JAKMIP2: variants seen among roughly 807,000 people sequenced by gnomAD.
JAKMIP2 encodes the protein janus kinase and microtubule-interacting protein 2.
JAKMIP2 carries 25 observed loss-of-function variants against 115.0 expected under a neutral mutation model. The ratio of observed to expected loss-of-function variants is 0.22; its 90% confidence interval spans 0.16 to 0.30. The LOEUF (loss-of-function observed/expected upper bound fraction) is 0.30. Ranked by LOEUF, JAKMIP2 falls within the 10% of genes least tolerant of loss-of-function variation. The pLI is 1.00. For missense variants in JAKMIP2, 642 were observed against 957.6 expected, an observed-to-expected ratio of 0.67 and a Z score of 4.35; for synonymous variants, 334 against 343.6, an observed-to-expected ratio of 0.97 and a Z score of 0.31.
intron 16 of JAKMIP2, 77 bp from the exon 17 acceptor site, chr5:147,623,766 T>C: frequency 1.2e-6 from 1 of 822,350 alleles, no homozygotes; most frequent in Non-Finnish European, 2.1e-6. Flanking sequence ...CATGAGGTGC[T>C]CCGTCTCCTC....
chr5:147,776,860 G>A (rs1396231207), intron 1 of JAKMIP2, among the ~76,000 whole-genome samples: 1 of 152,080 alleles, frequency 6.6e-6, no homozygotes, highest in Admixed American at 6.6e-5. Context: ...TCCAGCAGGG[G>A]GAGGTTGCAG....
Position 147,613,873 on chromosome 5 carries a change from T to C in JAKMIP2, c.2347-1502A>G, listed in dbSNP as rs546374495. 9.2e-5 allele frequency among the ~76,000 whole-genome samples: 14 copies of C among 152,312 alleles called. 1 individual carries two copies. The highest frequency in any genetic ancestry group is 3.4e-4 in the African/African-American group (14 of 41,556). On this transcript the variant is annotated intron_variant, in intron 19 of 21. Transcript: ENST00000616793. ...GAGACCATAAAGGTTAACCTTGAAA[T>C]TATACCATAATGAATGCCGGAGAAA...
intron 21 of JAKMIP2, among the ~76,000 whole-genome samples, chr5:147,598,025 G>T (rs1256558879): frequency 1.3e-5 from 2 of 150,782 alleles, no homozygotes; most frequent in Non-Finnish European, 2.9e-5. Flanking sequence ...TTGAGATGGG[G>T]TCTCATTTTG....
chr5:147,655,758 C>G (rs573111101), intron 3 of JAKMIP2, among the ~76,000 whole-genome samples: 1 of 152,168 alleles, frequency 6.6e-6, no homozygotes, highest in African/African-American at 2.4e-5. Context: ...TTTGCTCTTT[C>G]TTCTCTAGTT....
rs2126534767 is a variant in JAKMIP2, at chr5:147,588,250, G to C, written c.*3457C>G. 1 of 151,992 alleles carries C rather than the reference G, an allele frequency of 6.6e-6. No homozygotes were observed. Among genetic ancestry groups the C allele is most frequent in the Middle Eastern group, 3.4e-3 (1 of 294 alleles). The allele number at this position is 151,992 out of a possible 1,614,324, so 9.4% of individuals were successfully genotyped here. On this transcript the variant is annotated 3_prime_UTR_variant, in exon 22 of 22. Coordinates refer to ENST00000616793, the MANE Select transcript of JAKMIP2 (RefSeq NM_001270941.2). Reference sequence around the variant, plus strand: ...TATCTCAAATTATCTTTAGTAGTCAGTTATGTTTATTTTCCAGGGTATGAA... The same window carrying C: ...TATCTCAAATTATCTTTAGTAGTCACTTATGTTTATTTTCCAGGGTATGAA...
At chr5:147,634,529 C>T (rs1027942047) in intron 12 of JAKMIP2, among the ~76,000 whole-genome samples, 11 of 152,118 alleles carry the variant, frequency 7.2e-5, no homozygotes, top group Non-Finnish European at 1.6e-4. Context: ...GAATCTTCTA[C>T]TGAATCAATG....
intron 21 of JAKMIP2, chr5:147,594,503 T>C: frequency 2.3e-6 from 1 of 438,080 alleles, no homozygotes; most frequent in Non-Finnish European, 4.7e-6. Context: ...CCCAGCTAGT[T>C]TTTGTACTTT....
chr5:147,769,710 T>C (rs1186205029), intron 1 of JAKMIP2, among the ~76,000 whole-genome samples: 1 of 151,516 alleles, frequency 6.6e-6, no homozygotes, highest in Non-Finnish European at 1.5e-5. Context: ...TTCAAAATAT[T>C]AGGACATCAA....
chr5:147,778,490 C>T (rs1412707987), intron 1 of JAKMIP2, among the ~76,000 whole-genome samples: 1 of 151,974 alleles, frequency 6.6e-6, no homozygotes, highest in Non-Finnish European at 1.5e-5. Context: ...AGATAATTTG[C>T]TACCTTTCTA....
intron 3 of JAKMIP2, among the ~76,000 whole-genome samples, chr5:147,655,757 T>C (rs962107746): frequency 6.6e-6 from 1 of 152,052 alleles, no homozygotes; most frequent in African/African-American, 2.4e-5. Context: ...GTTTGCTCTT[T>C]CTTCTCTAGT....
intron 21 of JAKMIP2, chr5:147,594,458 C>G: frequency 2.2e-6 from 1 of 455,094 alleles, no homozygotes; most frequent in South Asian, 1.6e-5. Context: ...CTTCAGCCTC[C>G]CAAGTAGCTG....
chr5:147,775,116 G>A (rs974851537), intron 1 of JAKMIP2, among the ~76,000 whole-genome samples: 18 of 152,132 alleles, frequency 1.2e-4, no homozygotes, highest in Non-Finnish European at 1.2e-4. Context: ...AAGTTACAGC[G>A]TATCAGCAGG....
At chr5:147,733,470 CTTTTTTTA>C (rs1753805575) in intron 1 of JAKMIP2, among the ~76,000 whole-genome samples, 1 of 152,010 alleles carries the variant, frequency 6.6e-6, no homozygotes, top group Admixed American at 6.6e-5. Flanking sequence ...AAATATTTAT[CTTTTTTTA>C]TTATACTTTA....
rs71001457 is a variant in JAKMIP2 at position 147,764,991 on chromosome 5, G to GGAGA, written c.-149+17461_-149+17464dup. Among the ~76,000 whole-genome samples, 126 of 37,156 alleles carry GGAGA rather than the reference G, an allele frequency of 3.4e-3. 3 individuals are homozygous for GGAGA. The highest frequency in any genetic ancestry group is 3.2e-3 in the Admixed American group (9 of 2,832). The allele number at this position is 37,156 out of a possible 152,430, so 24.4% of individuals were successfully genotyped here. A position where few individuals can be genotyped will look rare whatever the true frequency, so the allele number is the denominator to read the frequency against. ...GGGGGAGAGAGAGAGAGAGAGAGAGGGAGAGAGAGAGAGAGAGAGAAAGGG... is the reference window on the plus strand; with the variant it reads ...GGGGGAGAGAGAGAGAGAGAGAGAGGGAGAGAGAGAGAGAGAGAGAGAGAAAGGG... On this transcript the variant is annotated intron_variant, in intron 1 of 21. Coordinates refer to ENST00000616793, the MANE Select transcript of JAKMIP2 (RefSeq NM_001270941.2).
chr5:147,653,803 G>T (rs1233141831), intron 3 of JAKMIP2, among the ~76,000 whole-genome samples: 1 of 152,118 alleles, frequency 6.6e-6, no homozygotes, highest in African/African-American at 2.4e-5. Flanking sequence ...TGTCCTGAAT[G>T]GTACTGCCTA....
Position 147,644,933 on chromosome 5 carries a change from C to A in JAKMIP2, c.1000G>T (p.Ala334Ser), listed in dbSNP as rs188723514. The A allele has an allele frequency of 5.5e-5, 89 of 1,613,682 alleles. No homozygotes were observed. In the East Asian group the frequency reaches 1.9e-3, roughly 34 times the overall value. The change falls in exon 6 of 22, where the codon GCC (alanine) becomes TCC (serine). Residue 334 changes from alanine to serine, a missense_variant. This residue lies in a region of JAKMIP2 where 439 missense variants were observed against 570.9 expected (regional missense o/e 0.77). Transcript: ENST00000616793. ...ACCATCAGTTCATCGTTTCTCTTGG[C>A]GAGGCACTTGTTCCTTTCCAGGAGA... is the stretch of plus-strand genomic sequence containing the variant. ...KPLLERNKCL[A>S]KRNDELMVSL...
intron 1 of JAKMIP2, among the ~76,000 whole-genome samples, chr5:147,702,314 A>AG (rs939148152): frequency 9.7e-4 from 124 of 128,016 alleles, no homozygotes; most frequent in Non-Finnish European, 1.2e-3. Flanking sequence ...AAAGGGTGGA[A>AG]GGGGGGGTGA....
chr5:147,595,428 T>G, intron 21 of JAKMIP2: 1 of 456,954 alleles, frequency 2.2e-6, no homozygotes, highest in Non-Finnish European at 4.4e-6. Flanking sequence ...GACACAGCTT[T>G]GCCCCCTCCA....
intron 1 of JAKMIP2, among the ~76,000 whole-genome samples, chr5:147,675,205 T>C (rs1759869721): frequency 6.6e-6 from 1 of 152,134 alleles, no homozygotes. Context: ...CTGGGAATTA[T>C]TGTGAACTTA....
Sources: gnomAD v4.1 joint callset for allele counts (sites outside exome capture counted in the v4.1 genomes callset) on GRCh38, gnomAD v4.1.1 for gene constraint, gnomAD v4.1.1 regional missense constraint, MANE v1.5 for transcripts, NCBI Gene and HGNC (gene_info 2026-07-23, HGNC 2026-07-21) for gene names.